The following C2CD5 variants were observed in gnomAD, a reference collection of about 807,000 sequenced individuals.
The protein encoded by C2CD5 is C2 domain-containing protein 5.
Under a neutral mutation model 130.3 loss-of-function variants are expected in C2CD5, and 109 were observed. The observed-to-expected ratio is 0.84, with a 90% CI of 0.72 to 0.98. The LOEUF is 0.98. Among genes scored for constraint, C2CD5 ranks in the 50% least tolerant of loss-of-function variants. The pLI is 0.00. For synonymous variants in C2CD5, 454 were observed against 429.2 expected, an observed-to-expected ratio of 1.06 and a Z score of -0.71; for missense variants, 996 against 1,261.8, an observed-to-expected ratio of 0.79 and a Z score of 3.19.
At chr12:22,456,020 T>G (rs1939784068) in intron 25 of C2CD5, among the ~76,000 whole-genome samples, 1 of 152,192 alleles carries the variant, frequency 6.6e-6, no homozygotes, top group African/African-American at 2.4e-5. Context: ...TCTAATTAAT[T>G]AAATAATCTG....
intron 10 of C2CD5, among the ~76,000 whole-genome samples, chr12:22,494,153 T>C (rs1296820769): frequency 6.6e-6 from 1 of 152,044 alleles, no homozygotes; most frequent in Non-Finnish European, 1.5e-5. Context: ...TGACAGCAGC[T>C]GCAAATTATA....
intron 10 of C2CD5, among the ~76,000 whole-genome samples, chr12:22,506,276 G>T (rs1435855007): frequency 1.3e-5 from 2 of 152,036 alleles, no homozygotes; most frequent in Non-Finnish European, 2.9e-5. Flanking sequence ...TGAGTAGCTG[G>T]GACAACAGGC....
chr12:22,500,154 A>C (rs1400354646), intron 10 of C2CD5, among the ~76,000 whole-genome samples: 2 of 152,110 alleles, frequency 1.3e-5, no homozygotes, highest in East Asian at 3.9e-4. Context: ...ACTGAACTCC[A>C]GCCTGGGTGA....
intron 26 of C2CD5, among the ~76,000 whole-genome samples, chr12:22,451,953 T>C (rs1375741794): frequency 8.5e-5 from 13 of 152,186 alleles, no homozygotes; most frequent in African/African-American, 1.2e-4. Flanking sequence ...ATATATTAAC[T>C]CATGATTTCC....
At chr12:22,542,317 C>T (rs1340490047) in intron 2 of C2CD5, among the ~76,000 whole-genome samples, 2 of 152,246 alleles carry the variant, frequency 1.3e-5, no homozygotes, top group African/African-American at 2.4e-5. Context: ...GCGGGAGAGG[C>T]AGGAGGATGG....
chr12:22,490,644 CTATA>C (rs1024773820), intron 11 of C2CD5, among the ~76,000 whole-genome samples: 1 of 151,906 alleles, frequency 6.6e-6, no homozygotes, highest in Non-Finnish European at 1.5e-5. Context: ...GTAAATATCT[CTATA>C]TAGGTGATTT....
At chr12:22,490,821 C>T (rs1173321313) in intron 11 of C2CD5, among the ~76,000 whole-genome samples, 1 of 151,996 alleles carries the variant, frequency 6.6e-6, no homozygotes, top group Admixed American at 6.6e-5. Context: ...AAAAATTAAA[C>T]AATCAACATA....
intron 12 of C2CD5, among the ~76,000 whole-genome samples, chr12:22,487,296 A>C (rs1234542411): frequency 3.3e-5 from 5 of 152,214 alleles, no homozygotes; most frequent in Non-Finnish European, 7.3e-5. Flanking sequence ...AAATTTTTGC[A>C]ATCTATCCAT....
intron 10 of C2CD5, among the ~76,000 whole-genome samples, chr12:22,494,661 A>C (rs1298204726): frequency 6.6e-6 from 1 of 152,096 alleles, no homozygotes; most frequent in Non-Finnish European, 1.5e-5. Flanking sequence ...TTTCAGAAGA[A>C]AGAAATGCAG....
intron 8 of C2CD5, among the ~76,000 whole-genome samples, chr12:22,514,444 G>C (rs921488015): frequency 6.6e-6 from 1 of 151,870 alleles, no homozygotes; most frequent in Non-Finnish European, 1.5e-5. Context: ...TTTATACGAA[G>C]CATATTAAAA....
intron 3 of C2CD5, among the ~76,000 whole-genome samples, chr12:22,531,250 A>AT (rs1482365152): frequency 2.0e-5 from 3 of 152,232 alleles, no homozygotes; most frequent in African/African-American, 7.2e-5. Context: ...AGATAGTGGC[A>AT]TTTTAGAAGC....
intron 2 of C2CD5, among the ~76,000 whole-genome samples, chr12:22,536,604 G>A (rs1951835533): frequency 6.6e-6 from 1 of 152,062 alleles, no homozygotes; most frequent in African/African-American, 2.4e-5. Context: ...ACAAGTAGCA[G>A]AATATATAAA....
chr12:22,495,425 T>C (rs769181576), intron 10 of C2CD5, among the ~76,000 whole-genome samples: 1 of 152,122 alleles, frequency 6.6e-6, no homozygotes, highest in Non-Finnish European at 1.5e-5. Context: ...GAAAGTATGT[T>C]ATAACAATTC....
At chr12:22,467,271 G>A (rs1355737671) in intron 22 of C2CD5, among the ~76,000 whole-genome samples, 2 of 152,046 alleles carry the variant, frequency 1.3e-5, no homozygotes, top group Non-Finnish European at 2.9e-5. Context: ...CCTGGGCTCA[G>A]GTGATTCTAC....
At chr12:22,501,336 T>C (rs1947765868) in intron 10 of C2CD5, among the ~76,000 whole-genome samples, 1 of 152,168 alleles carries the variant, frequency 6.6e-6, no homozygotes, top group East Asian at 1.9e-4. Context: ...ACGTCCTTAC[T>C]ATGTCTATAA....
chr12:22,451,938 A>G (rs1938722538), intron 26 of C2CD5, among the ~76,000 whole-genome samples: 1 of 152,202 alleles, frequency 6.6e-6, no homozygotes, highest in Non-Finnish European at 1.5e-5. Flanking sequence ...CACTAAGCAC[A>G]TTACATATAT....
chr12:22,507,980 G>A (rs947733634), intron 9 of C2CD5, among the ~76,000 whole-genome samples: 8 of 151,988 alleles, frequency 5.3e-5, no homozygotes, highest in African/African-American at 1.9e-4. Flanking sequence ...GACCACCTCA[G>A]ATTAAATGCA....
Position 22,527,881 on chromosome 12 carries a change from T to C in C2CD5, c.189A>G (p.Glu63=), listed in dbSNP as rs193276180. The change falls in exon 4 of 27, where the codon GAA becomes GAG. Residue 63 remains glutamate, a synonymous_variant. Coordinates refer to ENST00000446597, the MANE Select transcript of C2CD5 (RefSeq NM_001286176.2). ...SEWFKFEVDD[E]DLQDEPLQIT... ...TCTGTAAAGGTTCATCTTGTAAGTCTTCATCATCCACCTACAAGTATACCT... is the reference window on the plus strand; with the variant it reads ...TCTGTAAAGGTTCATCTTGTAAGTCCTCATCATCCACCTACAAGTATACCT... 165 of 1,602,854 alleles carry C rather than the reference T, an allele frequency of 1.0e-4. No individual in the cohort carries two copies. Among genetic ancestry groups the C allele is most frequent in the Non-Finnish European group, 1.3e-4 (152 of 1,174,132 alleles).
intron 22 of C2CD5, among the ~76,000 whole-genome samples, chr12:22,464,133 T>C (rs1941675255): frequency 6.6e-6 from 1 of 152,162 alleles, no homozygotes; most frequent in Non-Finnish European, 1.5e-5. Context: ...CAGTTGTAAA[T>C]TACTAAGGCA....
Sources: allele counts gnomAD v4.1 joint callset (sites outside exome capture counted in the v4.1 genomes callset), GRCh38; gene constraint gnomAD v4.1.1; transcripts MANE v1.5; gene names NCBI Gene and HGNC (gene_info 2026-07-23, HGNC 2026-07-21).